The following NUSAP1 variants were observed in gnomAD, a reference collection of about 807,000 sequenced individuals.
NUSAP1 encodes the protein nucleolar and spindle-associated protein 1.
In NUSAP1, 32 loss-of-function variants were observed where a neutral mutation model predicts 52.8. The observed-to-expected ratio is 0.61, with a 90% CI of 0.46 to 0.81. NUSAP1 has a LOEUF of 0.81. Among genes scored for constraint, NUSAP1 ranks in the 40% least tolerant of loss-of-function variants. The pLI is 0.00. For synonymous variants in NUSAP1, 195 were observed against 183.1 expected (o/e 1.06, Z -0.52); for missense variants, 499 against 522.3 (o/e 0.96, Z 0.43).
intron 1 of NUSAP1, among the ~76,000 whole-genome samples, chr15:41,334,126 G>T (rs1048492855): frequency 7.0e-6 from 1 of 142,118 alleles, no homozygotes; most frequent in Non-Finnish European, 1.6e-5. Flanking sequence ...TTGTTTGTTT[G>T]TTTTTTCTTT....
chr15:41,349,052 A>G (rs1277150515), intron 2 of NUSAP1, 46 bp from the exon 3 acceptor site: 3 of 1,567,058 alleles, frequency 1.9e-6, no homozygotes, highest in African/African-American at 1.4e-5. Context: ...CCTGAGCATT[A>G]TAACTGTAGA....
At chr15:41,349,766 C>CTTTTTT (rs1181209511) in intron 3 of NUSAP1, among the ~76,000 whole-genome samples, 22 of 123,520 alleles carry the variant, frequency 1.8e-4, no homozygotes, top group Non-Finnish European at 3.0e-4. Flanking sequence ...TTTTTCTTTT[C>CTTTTTT]TTTTTTTTTT....
rs372852467 is a variant in NUSAP1, at chr15:41,349,237, C to G, written c.302C>G (p.Ser101Ter). 2 of 1,612,374 alleles carry G rather than the reference C, an allele frequency of 1.2e-6. No homozygotes were observed. The highest frequency in any genetic ancestry group is 1.3e-5 in the African/African-American group (1 of 74,866). ...RCKTVRVDPD[S>*]QQNHSEIKIS... ...AAGACTGTCCGTGTGGACCCTGACT[C>G]ACAGGTGAATGGAAATATACAAACT... The change falls in exon 3 of 11, where the codon TCA becomes TGA. Residue 101 changes from serine to a stop codon, truncating the protein, a stop_gained. Coordinates refer to ENST00000559596, the MANE Select transcript of NUSAP1 (RefSeq NM_016359.5). LOFTEE classifies it high-confidence loss of function.
At chr15:41,367,299 C>G (rs1022523446) in intron 7 of NUSAP1, among the ~76,000 whole-genome samples, 6 of 152,184 alleles carry the variant, frequency 3.9e-5, no homozygotes, top group Non-Finnish European at 7.3e-5. Flanking sequence ...CAGAGTATGT[C>G]AGCTGCTTGA....
intron 1 of NUSAP1, among the ~76,000 whole-genome samples, chr15:41,336,980 CT>C (rs1262054733): frequency 2.0e-5 from 3 of 149,236 alleles, no homozygotes; most frequent in Admixed American, 6.7e-5. Context: ...AAATCCCCCC[CT>C]TTTTTTCCTT....
chr15:41,378,579 T>TCTCCA, intron 10 of NUSAP1, among the ~76,000 whole-genome samples: 1 of 152,024 alleles, frequency 6.6e-6, no homozygotes, highest in African/African-American at 2.4e-5. Flanking sequence ...ATGTCAGGAG[T>TCTCCA]TGAAGACATG....
chr15:41,353,206 A>G (rs1595557463), intron 4 of NUSAP1, among the ~76,000 whole-genome samples: 1 of 152,160 alleles, frequency 6.6e-6, no homozygotes, highest in Non-Finnish European at 1.5e-5. Context: ...GCGGGAGTAC[A>G]GTGACAGGAT....
chr15:41,361,705 T>C (rs1374471047), intron 6 of NUSAP1, among the ~76,000 whole-genome samples: 2 of 152,204 alleles, frequency 1.3e-5, no homozygotes, highest in East Asian at 3.8e-4. Flanking sequence ...AATAAACGAA[T>C]AGTTTATCTT....
At chr15:41,344,898 G>C (rs560491438) in intron 2 of NUSAP1, among the ~76,000 whole-genome samples, 1 of 152,072 alleles carries the variant, frequency 6.6e-6, no homozygotes, top group Non-Finnish European at 1.5e-5. Context: ...CCAAGATTAC[G>C]CCGCTGCATT....
At chr15:41,340,923 T>C (rs1351181782) in intron 1 of NUSAP1, among the ~76,000 whole-genome samples, 18 of 152,182 alleles carry the variant, frequency 1.2e-4, no homozygotes. Flanking sequence ...TGCTATTCTC[T>C]ACTGGACACA....
chr15:41,336,999 C>CTTT (rs201223527), intron 1 of NUSAP1, among the ~76,000 whole-genome samples: 80 of 65,782 alleles, frequency 1.2e-3, no homozygotes, highest in African/African-American at 2.0e-3. Flanking sequence ...CTTTCCTTTT[C>CTTT]TTTTTTTTTT....
intron 7 of NUSAP1, 63 bp downstream of exon 7, chr15:41,365,652 A>T (rs1351973380): frequency 1.5e-6 from 2 of 1,296,474 alleles, no homozygotes; most frequent in Admixed American, 5.6e-5. Context: ...ATAAAAAAAA[A>T]ATTTTTAATT....
chr15:41,368,821 C>G (rs1175271322), intron 7 of NUSAP1, among the ~76,000 whole-genome samples: 1 of 141,020 alleles, frequency 7.1e-6, no homozygotes, highest in Non-Finnish European at 1.5e-5. Flanking sequence ...CGACCTCCAT[C>G]TCCTGGGTTC....
intron 2 of NUSAP1, chr15:41,344,229 A>G (rs1007664483): frequency 2.4e-4 from 36 of 152,030 alleles, no homozygotes; most frequent in Admixed American, 2.2e-3. Flanking sequence ...AAAAAAAAAA[A>G]AAAGAAACAA....
intron 9 of NUSAP1, 22 bp from the exon 10 acceptor site, chr15:41,377,174 C>A (rs762902932): frequency 8.2e-7 from 1 of 1,223,176 alleles, no homozygotes; most frequent in Middle Eastern, 2.0e-4. Context: ...TTTTAAAATT[C>A]TTTGTCTCTG....
Position 41,374,244 on chromosome 15 carries a change from C to T in NUSAP1, c.1007-1468C>T, listed in dbSNP as rs568221372. Among the ~76,000 whole-genome samples the T allele has an allele frequency of 5.3e-5, 8 of 152,232 alleles. No individual in the cohort carries two copies. In the South Asian group the frequency reaches 1.7e-3, roughly 32 times the overall value. On this transcript the variant is annotated intron_variant, in intron 8 of 10. Coordinates refer to ENST00000559596, the MANE Select transcript of NUSAP1 (RefSeq NM_016359.5). ...ACCAAAGACTGTATCTTATAAACAG[C>T]GGTAATTTCTTTCTCATAGTTCTGG...
chr15:41,370,018 G>A (rs1408545433), intron 7 of NUSAP1, among the ~76,000 whole-genome samples: 3 of 151,316 alleles, frequency 2.0e-5, no homozygotes, highest in South Asian at 2.1e-4. Flanking sequence ...GCAGTGAGCC[G>A]AGATCACGCC....
intron 2 of NUSAP1, among the ~76,000 whole-genome samples, chr15:41,343,877 A>G (rs1281275434): frequency 3.3e-5 from 5 of 152,086 alleles, no homozygotes; most frequent in South Asian, 4.2e-4. Context: ...TTTCTATATC[A>G]ATTTCTTTTT....
intron 7 of NUSAP1, among the ~76,000 whole-genome samples, chr15:41,368,696 T>TTATC (rs2049521500): frequency 6.6e-6 from 1 of 151,680 alleles, no homozygotes; most frequent in African/African-American, 2.4e-5. Flanking sequence ...ACATGTGCAA[T>TTATC]TATCTAACAT....
Sources: allele counts gnomAD v4.1 joint callset (sites outside exome capture counted in the v4.1 genomes callset), GRCh38; gene constraint gnomAD v4.1.1; transcripts MANE v1.5; gene names NCBI Gene and HGNC (gene_info 2026-07-23, HGNC 2026-07-21).